CARD14: variants seen among roughly 807,000 people sequenced by gnomAD.
CARD14 encodes caspase recruitment domain family member 14.
Under a neutral mutation model 111.5 loss-of-function variants are expected in CARD14, and 107 were observed. That is an observed-to-expected ratio of 0.96 (90% CI 0.82 to 1.13). The LOEUF is 1.13. Among genes scored for constraint, CARD14 ranks in the 50% most tolerant of loss-of-function variants. CARD14 has a pLI of 0.00. For synonymous variants in CARD14, 617 were observed against 579.6 expected (o/e 1.06, Z -0.93); for missense variants, 1,322 against 1,362.3 (o/e 0.97, Z 0.47).
Position 80,204,206 on chromosome 17 carries a change from CT to C in CARD14, c.2284-18del. 1 of 1,569,288 alleles carries C rather than the reference CT, an allele frequency of 6.4e-7. No individual in the cohort carries two copies. The highest frequency in any genetic ancestry group is 8.7e-7 in the Non-Finnish European group (1 of 1,150,802). On this transcript the variant is annotated intron_variant, in intron 19 of 23. Coordinates refer to ENST00000648509, the MANE Select transcript of CARD14 (RefSeq NM_001366385.1). ...ATGGCTTCAACAGCTCCTCCTCATC[CT>C]TTCTCTGTCCCTCCTTTAGCCATCT...
In CARD14 at chr17:80,208,466, C is replaced by T; in HGVS notation, c.*121C>T. On this transcript the variant is annotated 3_prime_UTR_variant, in exon 24 of 24. Coordinates refer to ENST00000648509, the MANE Select transcript of CARD14 (RefSeq NM_001366385.1). ...TCCTTGGCACATGAGGCCGGCTCTC[C>T]CCACTGGCTGGGGTCTAACCTTGAA... 2.1e-6 allele frequency: 2 copies of T among 933,308 alleles called. No individual in the cohort carries two copies. Among genetic ancestry groups the T allele is most frequent in the East Asian group, 2.7e-5 (1 of 37,080 alleles). The allele number at this position is 933,308 out of a possible 1,614,324, so 57.8% of individuals were successfully genotyped here. A position where few individuals can be genotyped will look rare whatever the true frequency, so the allele number is the denominator to read the frequency against.
chr17:80,192,445 G>A lies in CARD14; in HGVS notation c.1240-58G>A, dbSNP rs878910191. 3.0e-5 allele frequency: 40 copies of A among 1,336,566 alleles called. No individual in the cohort carries two copies. The Middle Eastern group carries it at 1.1e-3, about 36-fold the overall frequency. The allele number at this position is 1,336,566 out of a possible 1,614,324, so 82.8% of individuals were successfully genotyped here. ...GGTGCTGACCTGGTAGAAACTCCACGGGCCTCAAAGCGGAACCTTTCCCGA... is the reference window on the plus strand; with the variant it reads ...GGTGCTGACCTGGTAGAAACTCCACAGGCCTCAAAGCGGAACCTTTCCCGA... On this transcript the variant is annotated intron_variant, in intron 11 of 23. Transcript: ENST00000648509.
chr17:80,181,934 C>CTCA (rs1247411140), intron 5 of CARD14, among the ~76,000 whole-genome samples: 1 of 152,158 alleles, frequency 6.6e-6, no homozygotes, highest in African/African-American at 2.4e-5. Context: ...CTTTGGAGTC[C>CTCA]ATTCTGATGG....
intron 7 of CARD14, chr17:80,187,866 G>C (rs2040397110): frequency 2.0e-6 from 2 of 985,458 alleles, no homozygotes; most frequent in Non-Finnish European, 2.4e-6. Flanking sequence ...CCTGCACACA[G>C]ACTGCAAGTC....
In CARD14 at chr17:80,204,250, G is replaced by T. The variant is rs778848984; in HGVS notation, c.2307G>T (p.Lys769Asn). ...AGCCATCTTCTGGGGGACCACAGAA[G>T]CTGGTCCGCATCGTCAGTATGGACA... The part of the protein sequence containing the change: ...TRKPSSGGPQ[K>N]LVRIVSMDKA... Residue 769 changes from lysine (K) to asparagine (N), a missense_variant, in exon 20 of 24, where the codon AAG (lysine) becomes AAT (asparagine). Lys to Asn is a moderately conservative substitution (Grantham distance 94). Coordinates refer to ENST00000648509, the MANE Select transcript of CARD14 (RefSeq NM_001366385.1). 2 of 1,594,810 alleles carry T rather than the reference G, an allele frequency of 1.3e-6. No homozygotes were observed. Among genetic ancestry groups the T allele is most frequent in the African/African-American group, 2.7e-5 (2 of 74,558 alleles).
Position 80,195,575 on chromosome 17 carries a change from C to T in CARD14, c.1517C>T (p.Pro506Leu), listed in dbSNP as rs61751630. 23,082 of 1,612,032 alleles carry T rather than the reference C, an allele frequency of 0.014. 273 individuals are homozygous for T. The highest frequency in any genetic ancestry group is 0.044 in the South Asian group (4,020 of 90,940). The change falls in exon 14 of 24, where the codon CCG becomes CTG. Residue 506 changes from proline to leucine, a missense_variant. Pro to Leu is a moderately conservative substitution (Grantham distance 98). Transcript: ENST00000648509. The surrounding 1 kb of genome is among the most constrained non-coding windows in gnomAD (Gnocchi z 4.7). ...PWSFSSCLEIPEGDPGALPGA... is the reference protein window; with the variant it reads ...PWSFSSCLEILEGDPGALPGA... ...CTTTGCAGCAGCTGCCTGGAGATCC[C>T]GGAGGGAGACCCGGGAGCCCTGCCG...
intron 14 of CARD14, chr17:80,196,021 C>G: frequency 1.0e-5 from 2 of 191,658 alleles, no homozygotes; most frequent in South Asian, 2.5e-4. Context: ...CAGGCTGAGG[C>G]GAGGCACAGC....
intron 12 of CARD14, among the ~76,000 whole-genome samples, chr17:80,194,780 G>A (rs1233917230): frequency 1.3e-5 from 2 of 152,132 alleles, no homozygotes; most frequent in Non-Finnish European, 2.9e-5. Flanking sequence ...CAGCATGGGG[G>A]AAACGGACCC....
chr17:80,205,418 A>C, intron 21 of CARD14, 113 bp from the exon 22 acceptor site: 1 of 1,420,506 alleles, frequency 7.0e-7, no homozygotes, highest in Admixed American at 2.1e-5. Context: ...ACATCCTAAG[A>C]AGAGCTTCTC....
Position 80,192,603 on chromosome 17 carries a change from T to C in CARD14, c.1340T>C (p.Leu447Pro), listed in dbSNP as rs767733432. 6.8e-6 allele frequency: 11 copies of C among 1,612,888 alleles called. No homozygotes were observed. Among genetic ancestry groups the C allele is most frequent in the Non-Finnish European group, 5.9e-6 (7 of 1,179,622 alleles). Residue 447 changes from leucine (L) to proline (P), a missense_variant, in exon 12 of 24, where the codon CTC becomes CCC. Coordinates refer to ENST00000648509, the MANE Select transcript of CARD14 (RefSeq NM_001366385.1). Reference sequence around the variant, plus strand: ...CCCAGAGACGACAGCGACTGCAGCCTCGTCAGCTCCACAGAGGTACGGCCG... The same window carrying C: ...CCCAGAGACGACAGCGACTGCAGCCCCGTCAGCTCCACAGAGGTACGGCCG... ...ICPRDDSDCS[L>P]VSSTESQLLS...
At chr17:80,205,457 G>A in intron 21 of CARD14, 74 bp from the exon 22 acceptor site, 2 of 1,540,644 alleles carry the variant, frequency 1.3e-6, no homozygotes, top group South Asian at 1.2e-5. Context: ...ACGGGGACAG[G>A]GGTGTTTACC....
rs114717503 is a variant in CARD14 at position 80,186,162 on chromosome 17, C to T, written c.675+1924C>T. ...TGGGAGCTGTGAATGACGACCGTGC[C>T]AGTGCTCCACCTTGCTGCTGCCCAC... On this transcript the variant is annotated intron_variant, in intron 7 of 23. Coordinates refer to ENST00000648509, the MANE Select transcript of CARD14 (RefSeq NM_001366385.1). Among the ~76,000 whole-genome samples the T allele has an allele frequency of 8.4e-3, 1,286 of 152,346 alleles. 17 individuals are homozygous for T. Among genetic ancestry groups the T allele is most frequent in the African/African-American group, 0.029 (1,186 of 41,572 alleles).
chr17:80,203,780 G>A lies in CARD14; in HGVS notation c.2220-42G>A. The A allele has an allele frequency of 6.6e-7, 1 of 1,522,866 alleles. No homozygotes were observed. The highest frequency in any genetic ancestry group is 8.9e-7 in the Non-Finnish European group (1 of 1,122,636). The allele number at this position is 1,522,866 out of a possible 1,614,324, so 94.3% of individuals were successfully genotyped here. ...CGGCTCTCCCCTGCCCTGCTCACCT[G>A]GCAGGAGGCAGCTGGGTCAGGGCCT... On this transcript the variant is annotated intron_variant, in intron 18 of 23. Coordinates refer to ENST00000648509, the MANE Select transcript of CARD14 (RefSeq NM_001366385.1). This position sits in a 1 kb window ranked among gnomAD's most constrained non-coding sequence, Gnocchi z 4.6.
At chr17:80,178,072 G>A (rs1482834479) in intron 2 of CARD14, among the ~76,000 whole-genome samples, 1 of 152,142 alleles carries the variant, frequency 6.6e-6, no homozygotes, top group East Asian at 1.9e-4. Flanking sequence ...AAGGAATGAG[G>A]CAGAGCTGCC....
intron 6 of CARD14, among the ~76,000 whole-genome samples, chr17:80,183,332 G>C (rs779766865): frequency 6.6e-6 from 1 of 152,230 alleles, no homozygotes; most frequent in Non-Finnish European, 1.5e-5. Flanking sequence ...GGACTCACAC[G>C]ACCCAAAACA....
chr17:80,184,207 C>A lies in CARD14; in HGVS notation c.644C>A (p.Ala215Asp). Residue 215 changes from alanine to aspartate, a missense_variant, in exon 7 of 24, where the codon GCC becomes GAC. Transcript: ENST00000648509. ...YSNALQEKELAASRCRSLQEE... is the reference protein window; with the variant it reads ...YSNALQEKELDASRCRSLQEE... ...AATGCGCTGCAGGAGAAGGAGCTGG[C>A]CGCCTCACGCTGCCGCAGCCTGCAG... 1 of 1,546,042 alleles carries A rather than the reference C, an allele frequency of 6.5e-7. No homozygotes were observed.
intron 6 of CARD14, 68 bp from the exon 7 acceptor site, chr17:80,183,845 C>A: frequency 7.5e-7 from 1 of 1,338,140 alleles, no homozygotes; most frequent in South Asian, 1.6e-5. Context: ...CTCACCTGCT[C>A]ACCTACCCAC....
At chr17:80,180,347 G>A (rs2040129635) in intron 4 of CARD14, among the ~76,000 whole-genome samples, 1 of 152,182 alleles carries the variant, frequency 6.6e-6, no homozygotes, top group South Asian at 2.1e-4. Flanking sequence ...AGCCCTTTCG[G>A]GGACCTGTCC....
chr17:80,179,575 G>A (rs2040105771), intron 4 of CARD14, among the ~76,000 whole-genome samples: 2 of 152,228 alleles, frequency 1.3e-5, no homozygotes. Context: ...AGGCTGGACT[G>A]TAATCCCAGC....
Sources: allele counts gnomAD v4.1 joint callset (sites outside exome capture counted in the v4.1 genomes callset), GRCh38; gene constraint gnomAD v4.1.1; non-coding constraint Gnocchi (gnomAD v3.1); transcripts MANE v1.5; gene names NCBI Gene and HGNC (gene_info 2026-07-23, HGNC 2026-07-21).